The following MAGI2 variants were observed in gnomAD, a reference collection of about 807,000 sequenced individuals.
MAGI2 encodes the protein membrane associated guanylate kinase, WW and PDZ domain containing 2.
A neutral mutation model predicts 133.3 loss-of-function variants in MAGI2; 35 were observed. The observed-to-expected ratio is 0.26, with a 90% confidence interval of 0.20 to 0.35. MAGI2 has a LOEUF of 0.35. Among genes scored for constraint, MAGI2 ranks in the 10% least tolerant of loss-of-function variants. MAGI2 has a pLI of 1.00. For missense variants in MAGI2, 1,636 were observed against 1,863.4 expected (o/e 0.88, Z 2.25); for synonymous variants, 729 against 710.6 (o/e 1.03, Z -0.41).
intron 1 of MAGI2, among the ~76,000 whole-genome samples, chr7:79,393,512 T>C (rs1844820452): frequency 6.6e-6 from 1 of 152,138 alleles, no homozygotes; most frequent in Admixed American, 6.6e-5. Flanking sequence ...AATTAAGTTT[T>C]ATAAAAAAAT....
In MAGI2 at chr7:79,183,567, GC is replaced by G. The variant is rs1033657651; in HGVS notation, c.302-176362del. 1.0e-3 allele frequency among the ~76,000 whole-genome samples: 156 copies of G among 151,864 alleles called. 5 individuals are homozygous for G. Among genetic ancestry groups the G allele is most frequent in the African/African-American group, 3.6e-3 (150 of 41,370 alleles). ...CACAAATATTTTTTCCCAGTCTGCA[GC>G]TAGATCTTTTATTTTCTAAAGAATT... On this transcript the variant is annotated intron_variant, in intron 1 of 21. Coordinates refer to ENST00000354212, the MANE Select transcript of MAGI2 (RefSeq NM_012301.4).
intron 1 of MAGI2, among the ~76,000 whole-genome samples, chr7:79,372,873 T>C (rs1843137784): frequency 6.6e-6 from 1 of 152,092 alleles, no homozygotes; most frequent in Non-Finnish European, 1.5e-5. Flanking sequence ...TTTGAAGTCA[T>C]TCTATGTGGA....
intron 2 of MAGI2, among the ~76,000 whole-genome samples, chr7:78,635,329 C>T (rs1415637957): frequency 1.3e-5 from 2 of 152,160 alleles, no homozygotes; most frequent in Admixed American, 1.3e-4. Flanking sequence ...AAATATAATT[C>T]TAAAGCGTAT....
chr7:78,604,479 C>T (rs1221912968), intron 3 of MAGI2, among the ~76,000 whole-genome samples: 3 of 152,148 alleles, frequency 2.0e-5, no homozygotes, highest in Non-Finnish European at 2.9e-5. Flanking sequence ...TCTCCCGTCC[C>T]AGACAAATGT....
In MAGI2 at chr7:78,476,264, G is replaced by A. The variant is rs559030277; in HGVS notation, c.1045+13497C>T. Among the ~76,000 whole-genome samples the A allele has an allele frequency of 1.1e-3, 169 of 151,906 alleles. 1 individual carries two copies. Among genetic ancestry groups the A allele is most frequent in the African/African-American group, 4.0e-3 (165 of 41,502 alleles). The stretch of plus-strand genomic sequence containing the variant: ...AAAGGCCACTCTTTTTTGTAGCCTC[G>A]AACCACTGGGCTGGGGTTGAGAGTA... On this transcript the variant is annotated intron_variant, in intron 6 of 21. Coordinates refer to ENST00000354212, the MANE Select transcript of MAGI2 (RefSeq NM_012301.4).
intron 9 of MAGI2, among the ~76,000 whole-genome samples, chr7:78,288,180 C>A (rs866421164): frequency 2.0e-5 from 3 of 152,256 alleles, no homozygotes; most frequent in Middle Eastern, 6.8e-3. Flanking sequence ...TTGCTCATTT[C>A]ATGGGATGAA....
intron 2 of MAGI2, among the ~76,000 whole-genome samples, chr7:78,787,738 T>C (rs1826955390): frequency 6.6e-6 from 1 of 152,152 alleles, no homozygotes; most frequent in Non-Finnish European, 1.5e-5. Context: ...ACTCTCACAT[T>C]ACAAATAAAT....
At chr7:79,439,490 C>T (rs186419303) in intron 1 of MAGI2, among the ~76,000 whole-genome samples, 1 of 152,066 alleles carries the variant, frequency 6.6e-6, no homozygotes, top group Admixed American at 6.6e-5. Flanking sequence ...TCCTGTCCCT[C>T]CTATGTGCTG....
intron 2 of MAGI2, among the ~76,000 whole-genome samples, chr7:78,867,902 A>T (rs935398903): frequency 2.0e-5 from 3 of 152,116 alleles, no homozygotes; most frequent in Admixed American, 6.5e-5. Flanking sequence ...CTTGAAATAC[A>T]TTTAAACATG....
intron 3 of MAGI2, among the ~76,000 whole-genome samples, chr7:78,593,769 G>A (rs567766841): frequency 6.6e-6 from 1 of 152,188 alleles, no homozygotes; most frequent in East Asian, 1.9e-4. Context: ...TCATACATTG[G>A]CATTTAAAAA....
At chr7:78,278,335 T>C (rs1025275218) in intron 9 of MAGI2, among the ~76,000 whole-genome samples, 2 of 152,192 alleles carry the variant, frequency 1.3e-5, no homozygotes, top group Non-Finnish European at 2.9e-5. Flanking sequence ...TGAGGTTGTC[T>C]GCTCTACTAA....
At chr7:79,301,881 T>G (rs1837422164) in intron 1 of MAGI2, among the ~76,000 whole-genome samples, 1 of 152,192 alleles carries the variant, frequency 6.6e-6, no homozygotes, top group Non-Finnish European at 1.5e-5. Context: ...GAGTGAATTC[T>G]TACAAGATCT....
intron 9 of MAGI2, among the ~76,000 whole-genome samples, chr7:78,341,268 T>C (rs777344334): frequency 6.6e-6 from 1 of 152,098 alleles, no homozygotes; most frequent in Non-Finnish European, 1.5e-5. Context: ...GTGAAGGACC[T>C]CTTCAGGGAG....
At chr7:78,908,076 G>A (rs1204606605) in intron 2 of MAGI2, among the ~76,000 whole-genome samples, 1 of 152,130 alleles carries the variant, frequency 6.6e-6, no homozygotes, top group Non-Finnish European at 1.5e-5. Flanking sequence ...AAGTTAGGGG[G>A]GAAATGTGGT....
At chr7:79,220,717 T>TA (rs1830383016) in intron 1 of MAGI2, among the ~76,000 whole-genome samples, 1 of 152,080 alleles carries the variant, frequency 6.6e-6, no homozygotes, top group Non-Finnish European at 1.5e-5. Context: ...CTCACTCTAT[T>TA]AAACTCTTTG....
intron 6 of MAGI2, among the ~76,000 whole-genome samples, chr7:78,417,197 A>G (rs1473864722): frequency 6.6e-6 from 1 of 152,090 alleles, no homozygotes; most frequent in Non-Finnish European, 1.5e-5. Context: ...AATTTCTTGA[A>G]TTACATATAA....
intron 2 of MAGI2, among the ~76,000 whole-genome samples, chr7:78,813,984 T>C (rs1789330929): frequency 6.6e-6 from 1 of 152,146 alleles, no homozygotes; most frequent in Non-Finnish European, 1.5e-5. Flanking sequence ...TAACCCCTTC[T>C]ATTCCACATT....
In MAGI2 at chr7:78,964,363, G is replaced by A. The variant is rs1803123556; in HGVS notation, c.418+42727C>T. Reference sequence around the variant, plus strand: ...TTAGCTTATATCATTTTCACTTTTTGTATTACTACATCATCTCATAACCAT... The same window carrying A: ...TTAGCTTATATCATTTTCACTTTTTATATTACTACATCATCTCATAACCAT... On this transcript the variant is annotated intron_variant, in intron 2 of 21. Transcript: ENST00000354212. Among the ~76,000 whole-genome samples the A allele has an allele frequency of 2.0e-5, 3 of 151,678 alleles. No individual in the cohort carries two copies. In the South Asian group the frequency reaches 6.2e-4, roughly 31 times the overall value.
At chr7:78,185,566 G>A (rs1176029453) in intron 13 of MAGI2, 63 bp downstream of exon 13, 4 of 1,287,040 alleles carry the variant, frequency 3.1e-6, no homozygotes, top group African/African-American at 1.5e-5. Flanking sequence ...TCAGAAGAAT[G>A]ATTTGTTACA....
Sources: allele counts gnomAD v4.1 joint callset (sites outside exome capture counted in the v4.1 genomes callset), GRCh38; gene constraint gnomAD v4.1.1; transcripts MANE v1.5; gene names NCBI Gene and HGNC (gene_info 2026-07-23, HGNC 2026-07-21).